Variants in CIT observed in about 807,000 individuals in gnomAD.
CIT encodes citron Rho-interacting kinase.
A neutral mutation model predicts 272.7 loss-of-function variants in CIT; 79 were observed. That is an observed-to-expected ratio of 0.29 (90% CI 0.24 to 0.35). The LOEUF (loss-of-function observed/expected upper bound fraction) is 0.35. Ranked by LOEUF, CIT falls within the 10% of genes least tolerant of loss-of-function variation. The pLI is 1.00. For missense variants in CIT, 1,909 were observed against 2,618.3 expected (o/e 0.73, Z 5.91); for synonymous variants, 948 against 995.6 (o/e 0.95, Z 0.90).
At chr12:119,862,745 G>C (rs1446715055) in intron 3 of CIT, among the ~76,000 whole-genome samples, 2 of 137,404 alleles carry the variant, frequency 1.5e-5, no homozygotes, top group African/African-American at 2.8e-5. Flanking sequence ...AGGAGGTGGA[G>C]GTTGCAGTGA....
intron 39 of CIT, among the ~76,000 whole-genome samples, chr12:119,709,711 T>C (rs1364511211): frequency 1.3e-5 from 2 of 151,702 alleles, no homozygotes; most frequent in Non-Finnish European, 2.9e-5. Context: ...TAGGTTGATA[T>C]ACTGAAGAAC....
At chr12:119,805,769 T>G (rs1966558401) in intron 9 of CIT, among the ~76,000 whole-genome samples, 1 of 152,146 alleles carries the variant, frequency 6.6e-6, no homozygotes. Flanking sequence ...TCTATAAAAC[T>G]CTTGCCATGC....
intron 10 of CIT, among the ~76,000 whole-genome samples, chr12:119,796,565 C>T (rs545316335): frequency 7.3e-4 from 111 of 152,174 alleles, no homozygotes; most frequent in African/African-American, 1.2e-4. Flanking sequence ...ACTGAGTGAG[C>T]GAGTGGGTCT....
chr12:119,870,980 G>A lies in CIT; in HGVS notation c.97-1779C>T, dbSNP rs144623347. On this transcript the variant is annotated intron_variant, in intron 2 of 47. Coordinates refer to ENST00000392521, the MANE Select transcript of CIT (RefSeq NM_001206999.2). ...CTAAAAATGCAAACATTAGCCGGGC[G>A]TGGAGGCACGTGCCTGTAATCCCAG... Among the ~76,000 whole-genome samples, 1,286 of 152,120 alleles carry A rather than the reference G, an allele frequency of 8.5e-3. 13 individuals carry two copies. The highest frequency in any genetic ancestry group is 0.027 in the African/African-American group (1,129 of 41,494).
chr12:119,741,923 G>C (rs1959077315), intron 24 of CIT, among the ~76,000 whole-genome samples: 1 of 152,064 alleles, frequency 6.6e-6, no homozygotes, highest in Non-Finnish European at 1.5e-5. Flanking sequence ...TTGCATGTTG[G>C]GAAGCCAAAT....
intron 41 of CIT, among the ~76,000 whole-genome samples, chr12:119,703,803 G>A (rs911986204): frequency 2.6e-5 from 4 of 152,116 alleles, no homozygotes; most frequent in African/African-American, 4.8e-5. Context: ...TCCGAGGTAG[G>A]GACATCAGAC....
rs1173033514 is a variant in CIT at position 119,750,794 on chromosome 12, TAGAG to T, written c.2904+1252_2904+1255del. On this transcript the variant is annotated intron_variant, in intron 23 of 47. Coordinates refer to ENST00000392521, the MANE Select transcript of CIT (RefSeq NM_001206999.2). ...ATAGATAGATAGATAGATAGATAGA[TAGAG>T]ATATAGAGATGTACACGTGCATTAC... Among the ~76,000 whole-genome samples the T allele has an allele frequency of 1.3e-3, 187 of 146,830 alleles. 1 individual carries two copies. Among genetic ancestry groups the T allele is most frequent in the African/African-American group, 4.3e-3 (170 of 40,000 alleles).
intron 13 of CIT, among the ~76,000 whole-genome samples, chr12:119,777,989 T>C (rs886387672): frequency 6.6e-6 from 1 of 152,214 alleles, no homozygotes; most frequent in African/African-American, 2.4e-5. Context: ...TGGAAAGAAT[T>C]CTGGAAGGTG....
intron 28 of CIT, among the ~76,000 whole-genome samples, chr12:119,724,445 G>A (rs1295816512): frequency 6.6e-6 from 1 of 152,140 alleles, no homozygotes; most frequent in Non-Finnish European, 1.5e-5. Flanking sequence ...AAATAAGAAT[G>A]TTCTAAGAAT....
chr12:119,717,309 C>T (rs972845885), intron 32 of CIT, among the ~76,000 whole-genome samples: 1 of 152,026 alleles, frequency 6.6e-6, no homozygotes, highest in African/African-American at 2.4e-5. Context: ...ACCTCAGCCT[C>T]CCAAAGTGCT....
In CIT at chr12:119,725,350, T is replaced by G. The variant is rs1222864430; in HGVS notation, c.3591+3152A>C. ...CTGAGGCAGGAGAATTGCTTGACCC[T>G]CGGAGGTGGAGGTTGCAGTGAGCCA... On this transcript the variant is annotated intron_variant, in intron 28 of 47. Coordinates refer to ENST00000392521, the MANE Select transcript of CIT (RefSeq NM_001206999.2). 2.6e-5 allele frequency among the ~76,000 whole-genome samples: 4 copies of G among 151,942 alleles called. No individual in the cohort carries two copies. In the East Asian group the frequency reaches 7.8e-4, roughly 30 times the overall value.
At chr12:119,742,577 C>CA in intron 23 of CIT, 113 bp from the exon 24 acceptor site, 1 of 660,428 alleles carries the variant, frequency 1.5e-6, no homozygotes, top group South Asian at 2.2e-5. Context: ...AATGCGGCAC[C>CA]AGCATCTGTT....
rs1955617085 is a variant in CIT at position 119,686,979 on chromosome 12, G to A, written c.*1253C>T. The A allele has an allele frequency of 6.5e-6, 1 of 152,730 alleles. No homozygotes were observed. The highest frequency in any genetic ancestry group is 2.4e-5 in the African/African-American group (1 of 41,446). The allele number at this position is 152,730 out of a possible 1,614,324, so 9.5% of individuals were successfully genotyped here. On this transcript the variant is annotated 3_prime_UTR_variant, in exon 48 of 48. Coordinates refer to ENST00000392521, the MANE Select transcript of CIT (RefSeq NM_001206999.2). ...TCGTGGGGTAGAACCGCGCTGGATT[G>A]GGTGTGAACAGAGTCATCCTCTGCA...
chr12:119,851,845 T>G (rs1970241186), intron 4 of CIT, among the ~76,000 whole-genome samples: 1 of 152,184 alleles, frequency 6.6e-6, no homozygotes, highest in African/African-American at 2.4e-5. Context: ...CAGACCAGCC[T>G]GGACAACACA....
Position 119,710,743 on chromosome 12 carries a change from C to T in CIT, c.4855-123G>A, listed in dbSNP as rs888414129. On this transcript the variant is annotated intron_variant, in intron 37 of 47. Coordinates refer to ENST00000392521, the MANE Select transcript of CIT (RefSeq NM_001206999.2). This position sits in a 1 kb window ranked among gnomAD's most constrained non-coding sequence, Gnocchi z 5.6. Reference sequence around the variant, plus strand: ...AGTTATTCCTGGAAATGCTCAGAAACGCACATATGCTCTTAGCTCAGCCCG... The same window carrying T: ...AGTTATTCCTGGAAATGCTCAGAAATGCACATATGCTCTTAGCTCAGCCCG... 9 of 912,878 alleles carry T rather than the reference C, an allele frequency of 9.9e-6. No homozygotes were observed. Among genetic ancestry groups the T allele is most frequent in the East Asian group, 5.1e-5 (2 of 39,464 alleles). The allele number at this position is 912,878 out of a possible 1,614,324, so 56.5% of individuals were successfully genotyped here.
At chr12:119,852,762 A>G (rs1245196719) in intron 4 of CIT, among the ~76,000 whole-genome samples, 1 of 151,868 alleles carries the variant, frequency 6.6e-6, no homozygotes, top group Admixed American at 6.6e-5. Flanking sequence ...AATTATATAT[A>G]TGCATATATA....
intron 10 of CIT, among the ~76,000 whole-genome samples, chr12:119,786,337 C>G (rs534999411): frequency 6.6e-6 from 1 of 152,276 alleles, no homozygotes; most frequent in East Asian, 1.9e-4. Flanking sequence ...GCTCCCCCCA[C>G]AGAAAGGGCA....
chr12:119,738,780 G>A (rs1958913496), intron 24 of CIT, among the ~76,000 whole-genome samples: 1 of 151,882 alleles, frequency 6.6e-6, no homozygotes, highest in South Asian at 2.1e-4. Context: ...CTACCCAGGA[G>A]GCTGAGGCAG....
At chr12:119,776,504 G>T in intron 14 of CIT, 96 bp from the exon 15 acceptor site, 1 of 1,187,324 alleles carries the variant, frequency 8.4e-7, no homozygotes, top group Non-Finnish European at 1.2e-6. Flanking sequence ...GATAATAATA[G>T]TAAATAAGAA....
Sources: gnomAD v4.1 joint callset for allele counts (sites outside exome capture counted in the v4.1 genomes callset) on GRCh38, gnomAD v4.1.1 for gene constraint, Gnocchi (gnomAD v3.1) non-coding constraint, MANE v1.5 for transcripts, NCBI Gene and HGNC (gene_info 2026-07-23, HGNC 2026-07-21) for gene names.